DNM3: variants seen among roughly 807,000 people sequenced by gnomAD.
The protein encoded by DNM3 is dynamin 3.
In DNM3, 47 loss-of-function variants were observed where a neutral mutation model predicts 101.6. The observed-to-expected ratio is 0.46, with a 90% CI of 0.37 to 0.59. DNM3 has a LOEUF of 0.59. DNM3 is among the 20% of genes least tolerant of loss of function. The pLI, the probability that DNM3 is intolerant of heterozygous loss-of-function variation, is 0.00. For synonymous variants in DNM3, 385 were observed against 387.9 expected (o/e 0.99, Z 0.09); for missense variants, 849 against 1,085.7 (o/e 0.78, Z 3.06).
At chr1:172,305,048 G>A (rs2064718601) in intron 15 of DNM3, among the ~76,000 whole-genome samples, 1 of 152,134 alleles carries the variant, frequency 6.6e-6, no homozygotes, top group Non-Finnish European at 1.5e-5. Flanking sequence ...AGAACTGAAG[G>A]CGATAGAGAC....
At chr1:171,995,096 G>GTTTTTTT (rs35925537) in intron 4 of DNM3, among the ~76,000 whole-genome samples, 7 of 49,652 alleles carry the variant, frequency 1.4e-4, no homozygotes, top group Admixed American at 2.7e-4. Context: ...TGAAATCCAG[G>GTTTTTTT]TTTTTTTTTT....
chr1:172,044,780 T>C (rs1555383), intron 9 of DNM3, among the ~76,000 whole-genome samples: 56,063 of 152,040 alleles, frequency 0.37, 10,862 homozygotes, highest in East Asian at 0.69. Flanking sequence ...AATCATTACT[T>C]ACACCAGAGA....
intron 18 of DNM3, chr1:172,380,657 C>T (rs2068845667): frequency 1.3e-5 from 2 of 151,894 alleles, no homozygotes; most frequent in African/African-American, 4.8e-5. Context: ...CTCACAGAGC[C>T]ATCAGAGATT....
intron 16 of DNM3, among the ~76,000 whole-genome samples, chr1:172,315,811 T>C (rs1000679763): frequency 2.6e-5 from 4 of 152,112 alleles, no homozygotes; most frequent in African/African-American, 9.7e-5. Flanking sequence ...TAGAAAACAT[T>C]CTGCAGGATA....
chr1:172,323,378 C>G, intron 17 of DNM3, 38 bp downstream of exon 17: 2 of 1,599,156 alleles, frequency 1.3e-6, no homozygotes, highest in East Asian at 4.5e-5. Context: ...TCTGTCCCCC[C>G]AGCCCCTGCT....
intron 14 of DNM3, among the ~76,000 whole-genome samples, chr1:172,181,622 C>T (rs2059349852): frequency 6.6e-6 from 1 of 152,012 alleles, no homozygotes; most frequent in Non-Finnish European, 1.5e-5. Context: ...AACTGGTGCC[C>T]AGCTCCAGGC....
intron 15 of DNM3, among the ~76,000 whole-genome samples, chr1:172,308,128 A>T (rs2064922930): frequency 6.6e-6 from 1 of 152,228 alleles, no homozygotes; most frequent in Non-Finnish European, 1.5e-5. Flanking sequence ...CAAATATTTA[A>T]AAATGGGCAT....
At chr1:172,155,601 G>A (rs1020008278) in intron 14 of DNM3, among the ~76,000 whole-genome samples, 1 of 152,054 alleles carries the variant, frequency 6.6e-6, no homozygotes, top group African/African-American at 2.4e-5. Context: ...TCTATGGAAA[G>A]TGCCATTTTT....
At chr1:172,085,736 A>G (rs182703945) in intron 12 of DNM3, among the ~76,000 whole-genome samples, 20 of 152,236 alleles carry the variant, frequency 1.3e-4, no homozygotes, top group African/African-American at 4.8e-4. Context: ...GAATGCCTCT[A>G]TTGCCGTTTT....
intron 18 of DNM3, among the ~76,000 whole-genome samples, chr1:172,382,559 G>A (rs1285307368): frequency 1.3e-5 from 2 of 152,044 alleles, no homozygotes; most frequent in Non-Finnish European, 2.9e-5. Flanking sequence ...TGAAATCCAA[G>A]TCTTCTCACT....
At chr1:172,264,366 C>G (rs1002197149) in intron 15 of DNM3, among the ~76,000 whole-genome samples, 5 of 152,166 alleles carry the variant, frequency 3.3e-5, no homozygotes, top group Non-Finnish European at 4.4e-5. Context: ...AATCATGCAT[C>G]TTTCAAAAGC....
downstream of DNM3, among the ~76,000 whole-genome samples, chr1:172,416,205 T>G (rs1268337903): frequency 6.6e-6 from 1 of 152,250 alleles, no homozygotes; most frequent in Non-Finnish European, 1.5e-5. Flanking sequence ...ACTGCAACTT[T>G]CATATGGGAG....
chr1:171,847,882 C>CTGTG (rs1308597471), intron 1 of DNM3, among the ~76,000 whole-genome samples: 25 of 39,400 alleles, frequency 6.3e-4, no homozygotes, highest in African/African-American at 3.2e-3. Context: ...ATTAATTACT[C>CTGTG]TCTCTCTCTC....
chr1:172,338,461 A>T (rs551725130), intron 17 of DNM3, among the ~76,000 whole-genome samples: 1 of 152,302 alleles, frequency 6.6e-6, no homozygotes, highest in South Asian at 2.1e-4. Context: ...TTCGAATCAC[A>T]TCCTTCCCAA....
chr1:172,350,360 T>C (rs1234239888), intron 17 of DNM3, among the ~76,000 whole-genome samples: 3 of 151,874 alleles, frequency 2.0e-5, no homozygotes, highest in African/African-American at 7.3e-5. Flanking sequence ...GTGTCTTGTA[T>C]GTGGAATATT....
In DNM3 at chr1:172,226,065, A is replaced by AT. The variant is rs991228314; in HGVS notation, c.1660-27502dup. On this transcript the variant is annotated intron_variant, in intron 14 of 20. Transcript: ENST00000627582. ...TAAGTTTAGTTTCTAGTTTGTAACT[A>AT]TTTTTTAATGCTGTAATAAACATCA... 3.3e-4 allele frequency among the ~76,000 whole-genome samples: 51 copies of AT among 152,242 alleles called. 1 individual carries two copies. The highest frequency in any genetic ancestry group is 1.1e-3 in the African/African-American group (47 of 41,554).
intron 2 of DNM3, among the ~76,000 whole-genome samples, chr1:171,939,391 G>A (rs1298441428): frequency 6.6e-6 from 1 of 152,104 alleles, no homozygotes; most frequent in African/African-American, 2.4e-5. Context: ...GTGTTTATTT[G>A]TTCTATTTTA....
In DNM3 at chr1:172,407,808, A is replaced by C; in HGVS notation, c.2559A>C (p.Ile853=). 1 of 1,613,240 alleles carries C rather than the reference A, an allele frequency of 6.2e-7. No homozygotes were observed. The highest frequency in any genetic ancestry group is 8.5e-7 in the Non-Finnish European group (1 of 1,179,356). The change falls in exon 21 of 21, where the codon ATA becomes ATC. Residue 853 remains isoleucine, a synonymous_variant. Coordinates refer to ENST00000627582, the MANE Select transcript of DNM3 (RefSeq NM_015569.5). ...RPPPSPTRPT[I]IRPLESSLLD ...CCCCATCACCAACTCGTCCCACTATAATCCGCCCACTAGAATCCTCCCTGT... is the reference window on the plus strand; with the variant it reads ...CCCCATCACCAACTCGTCCCACTATCATCCGCCCACTAGAATCCTCCCTGT...
chr1:172,417,919 A>C (rs2071488242), intron 20 of DNM3, among the ~76,000 whole-genome samples: 1 of 152,252 alleles, frequency 6.6e-6, no homozygotes, highest in African/African-American at 2.4e-5. Flanking sequence ...TTGAAAATCA[A>C]ATATACAAGT....
Sources: allele counts gnomAD v4.1 joint callset (sites outside exome capture counted in the v4.1 genomes callset), GRCh38; gene constraint gnomAD v4.1.1; transcripts MANE v1.5; gene names NCBI Gene and HGNC (gene_info 2026-07-23, HGNC 2026-07-21).